Variants in HEATR5B observed in about 807,000 individuals in gnomAD.
HEATR5B encodes the protein HEAT repeat-containing protein 5B.
Under a neutral mutation model 224.1 loss-of-function variants are expected in HEATR5B, and 156 were observed. The ratio of observed to expected loss-of-function variants is 0.70; its 90% CI spans 0.61 to 0.80. The LOEUF is 0.80. Ranked by LOEUF, HEATR5B falls within the 30% of genes least tolerant of loss-of-function variation. The pLI, the probability that HEATR5B is intolerant of heterozygous loss-of-function variation, is 0.00. For missense variants in HEATR5B, 2,323 were observed against 2,535.5 expected (o/e 0.92, Z 1.80); for synonymous variants, 1,027 against 893.0 (o/e 1.15, Z -2.68).
At position 37,057,327 on chromosome 2, in the gene HEATR5B, A is replaced by G. The variant is rs747341822; in HGVS notation, c.2213T>C (p.Ile738Thr). The G allele has an allele frequency of 1.2e-6, 2 of 1,602,376 alleles. No homozygotes were observed. Among genetic ancestry groups the G allele is most frequent in the Admixed American group, 1.8e-5 (1 of 57,006 alleles). Reference sequence around the variant, plus strand: ...CTCTATGTTTATTACCTGGTCTTCAATTGATTTATGATCAGTTTCCTGAAG... The same window carrying G: ...CTCTATGTTTATTACCTGGTCTTCAGTTGATTTATGATCAGTTTCCTGAAG... Reference protein sequence around the residue: ...SWLQETDHKSIEDQLQPNSAS... With the variant: ...SWLQETDHKSTEDQLQPNSAS... The change falls in exon 15 of 36, where the codon ATT (isoleucine) becomes ACT (threonine). Residue 738 changes from isoleucine (I) to threonine (T), a missense_variant. Physicochemically the swap from Ile to Thr is moderately conservative, Grantham distance 89. Around this residue, in one of 12 missense-constraint regions of HEATR5B, gnomAD observed 170 missense variants for 216.7 expected, o/e 0.78. Transcript: ENST00000233099.
chr2:37,068,940 G>C lies in HEATR5B; in HGVS notation c.928-10C>G. Reference sequence around the variant, plus strand: ...CAAAAACAACATACGCCTGTAAAAAGAGGAAGGTACGACTTCAGATACACT... The same window carrying C: ...CAAAAACAACATACGCCTGTAAAAACAGGAAGGTACGACTTCAGATACACT... On this transcript the variant is annotated splice_polypyrimidine_tract_variant and intron_variant, in intron 7 of 35. Coordinates refer to ENST00000233099, the MANE Select transcript of HEATR5B (RefSeq NM_019024.3). 6.2e-7 allele frequency: 1 copy of C among 1,607,028 alleles called. No homozygotes were observed. The highest frequency in any genetic ancestry group is 8.5e-7 in the Non-Finnish European group (1 of 1,174,554).
rs771159945 is a variant in HEATR5B, at chr2:37,079,214, T to C, written c.244A>G (p.Ile82Val). The change falls in exon 3 of 36, where the codon ATT (isoleucine) becomes GTT (valine). Residue 82 changes from isoleucine to valine, a missense_variant. Ile to Val is a conservative substitution (Grantham distance 29, BLOSUM62 3). This residue lies in a region of HEATR5B where 292 missense variants were observed against 332.6 expected (regional missense o/e 0.88). Coordinates refer to ENST00000233099, the MANE Select transcript of HEATR5B (RefSeq NM_019024.3). ...LAKNLAALYS[I>V]GDTFTVFQTL... ...TGAAAAACTGTGAAAGTATCCCCAA[T>C]GCTATAAAGGGCTGCGAGATTTTTA... 2.1e-5 allele frequency: 34 copies of C among 1,605,828 alleles called. No individual in the cohort carries two copies. The highest frequency in any genetic ancestry group is 2.6e-5 in the Non-Finnish European group (31 of 1,172,480).
intron 5 of HEATR5B, among the ~76,000 whole-genome samples, chr2:37,075,230 T>TA (rs1672153960): frequency 6.6e-6 from 1 of 151,942 alleles, no homozygotes; most frequent in African/African-American, 2.4e-5. Flanking sequence ...TACTCAGCAA[T>TA]AAAAAGGAAT....
Position 37,002,575 on chromosome 2 carries a change from G to A in HEATR5B, c.5051-3C>T, listed in dbSNP as rs754280820. On this transcript the variant is annotated splice_polypyrimidine_tract_variant and splice_region_variant and intron_variant, in intron 31 of 35. Transcript: ENST00000233099. ...CTCTTTTTCCATATCATCTTCATCTGAGGTAAAAGATAATTTGGTGAAATT... is the reference window on the plus strand; with the variant it reads ...CTCTTTTTCCATATCATCTTCATCTAAGGTAAAAGATAATTTGGTGAAATT... 4 of 1,608,386 alleles carry A rather than the reference G, an allele frequency of 2.5e-6. No homozygotes were observed. The highest frequency in any genetic ancestry group is 2.7e-5 in the African/African-American group (2 of 74,658).
intron 33 of HEATR5B, among the ~76,000 whole-genome samples, chr2:37,000,154 C>T (rs529000401): frequency 6.6e-5 from 10 of 151,608 alleles, no homozygotes; most frequent in East Asian, 3.9e-4. Context: ...CTTGGCTCAC[C>T]GCAACCTCCA....
chr2:37,070,153 G>A lies in HEATR5B; in HGVS notation c.927+77C>T. The A allele has an allele frequency of 7.3e-6, 10 of 1,376,284 alleles. No homozygotes were observed. In the South Asian group the frequency reaches 1.2e-4, roughly 17 times the overall value. 85.3% of individuals were successfully genotyped at this position (1,376,284 alleles called of 1,614,324 possible). ...GACCTCAGGCAATCTGCCCGCCTTGGCCTCCAAAAATGCTGGGATTACAGG... is the reference window on the plus strand; with the variant it reads ...GACCTCAGGCAATCTGCCCGCCTTGACCTCCAAAAATGCTGGGATTACAGG... On this transcript the variant is annotated intron_variant, in intron 7 of 35. Transcript: ENST00000233099.
At chr2:37,061,374 A>AAC (rs1445991758) in intron 11 of HEATR5B, among the ~76,000 whole-genome samples, 6 of 152,232 alleles carry the variant, frequency 3.9e-5, no homozygotes, top group Non-Finnish European at 8.8e-5. Context: ...ATAGATGCTT[A>AAC]GATCTGTGTC....
intron 10 of HEATR5B, among the ~76,000 whole-genome samples, chr2:37,064,087 T>C (rs1228635538): frequency 6.6e-6 from 1 of 152,168 alleles, no homozygotes; most frequent in East Asian, 1.9e-4. Flanking sequence ...GTGCTGGGAT[T>C]ACAGGTATGA....
At position 37,037,969 on chromosome 2, in the gene HEATR5B, T is replaced by G; in HGVS notation, c.3102A>C (p.Ile1034=). The G allele has an allele frequency of 6.3e-7, 1 of 1,597,358 alleles. No individual in the cohort carries two copies. Among genetic ancestry groups the G allele is most frequent in the Non-Finnish European group, 8.5e-7 (1 of 1,169,676 alleles). ...CAAGAGAATCTGAATGGTCTTGTGT[T>G]ATTGCACAACCCACCAAACAAGAGG... ...IRSSCLVGCA[I]TQDHSDSLVQ... The change falls in exon 21 of 36, where the codon ATA becomes ATC. Residue 1034 remains isoleucine, a synonymous_variant. Coordinates refer to ENST00000233099, the MANE Select transcript of HEATR5B (RefSeq NM_019024.3).
At chr2:37,012,393 A>T (rs905879553) in intron 27 of HEATR5B, among the ~76,000 whole-genome samples, 1 of 152,060 alleles carries the variant, frequency 6.6e-6, no homozygotes, top group Non-Finnish European at 1.5e-5. Flanking sequence ...TAATTAATTA[A>T]ATTTTTTTTT....
At chr2:36,992,681 GGCAAT>G (rs1415178894) in intron 33 of HEATR5B, among the ~76,000 whole-genome samples, 1 of 152,018 alleles carries the variant, frequency 6.6e-6, no homozygotes, top group African/African-American at 2.4e-5. Flanking sequence ...ACTCAGAGTT[GGCAAT>G]GCTGCAAGCA....
At chr2:36,999,652 C>T (rs1017020088) in intron 33 of HEATR5B, among the ~76,000 whole-genome samples, 5 of 151,134 alleles carry the variant, frequency 3.3e-5, no homozygotes, top group African/African-American at 1.2e-4. Context: ...GAACTCCAGA[C>T]TGGGCAACAC....
At chr2:37,040,597 G>T in intron 19 of HEATR5B, 79 bp from the exon 20 acceptor site, 3 of 974,628 alleles carry the variant, frequency 3.1e-6, no homozygotes, top group Non-Finnish European at 3.0e-6. Context: ...ATTGTTACAT[G>T]GGTATACTCT....
chr2:36,983,214 T>C (rs1192920467), intron 35 of HEATR5B, among the ~76,000 whole-genome samples: 1 of 152,074 alleles, frequency 6.6e-6, no homozygotes, highest in Non-Finnish European at 1.5e-5. Flanking sequence ...TTTAGTTCAA[T>C]TTCCCTCATG....
In HEATR5B at chr2:37,013,850, A is replaced by G. The variant is rs758239981; in HGVS notation, c.4275T>C (p.Ala1425=). Residue 1425 remains alanine, a synonymous_variant, in exon 27 of 36, where the codon GCT becomes GCC. Coordinates refer to ENST00000233099, the MANE Select transcript of HEATR5B (RefSeq NM_019024.3). ...GTGGTTTAGTCGTTACCTCTGCCCA[A>G]GCTTTGAGAACAGCCAGTTTTTCCA... The part of the protein sequence containing the change: ...TTMEKLAVLK[A]WAEVYVVAMN... The G allele has an allele frequency of 6.3e-7, 1 of 1,582,296 alleles. No homozygotes were observed. Among genetic ancestry groups the G allele is most frequent in the South Asian group, 1.2e-5 (1 of 85,442 alleles).
chr2:37,049,713 A>C lies in HEATR5B; in HGVS notation c.2636T>G (p.Met879Arg). 6.2e-7 allele frequency: 1 copy of C among 1,614,066 alleles called. No homozygotes were observed. Among genetic ancestry groups the C allele is most frequent in the East Asian group, 2.2e-5 (1 of 44,874 alleles). ...AGTTGCTTCTCCAACCACCTGAGCC[A>C]TTCTTCCAAGAGCTTCCCCCGCTGC... ...RCAAGEALGR[M>R]AQVVGEATFI... The change falls in exon 18 of 36, where the codon ATG (methionine) becomes AGG (arginine). Residue 879 changes from methionine (M) to arginine (R), a missense_variant. Transcript: ENST00000233099.
At chr2:36,988,902 C>A (rs1666131635) in intron 34 of HEATR5B, 43 bp from the exon 35 acceptor site, 6 of 1,398,410 alleles carry the variant, frequency 4.3e-6, no homozygotes, top group African/African-American at 1.4e-5. Flanking sequence ...GTGTATAGTT[C>A]TTATTTGCTC....
intron 17 of HEATR5B, among the ~76,000 whole-genome samples, chr2:37,052,947 T>C (rs1670651872): frequency 6.6e-6 from 1 of 152,228 alleles, no homozygotes; most frequent in African/African-American, 2.4e-5. Flanking sequence ...CAAATCACAG[T>C]TGACCATTGG....
At chr2:36,993,932 T>C (rs1274906124) in intron 33 of HEATR5B, among the ~76,000 whole-genome samples, 1 of 152,062 alleles carries the variant, frequency 6.6e-6, no homozygotes, top group East Asian at 1.9e-4. Flanking sequence ...GCTGAGGAAC[T>C]GCCCCAGATT....
Sources: allele counts gnomAD v4.1 joint callset (sites outside exome capture counted in the v4.1 genomes callset), GRCh38; gene constraint gnomAD v4.1.1; regional missense constraint gnomAD v4.1.1; transcripts MANE v1.5; gene names NCBI Gene and HGNC (gene_info 2026-07-23, HGNC 2026-07-21).